FAM161A: variants seen among roughly 807,000 people sequenced by gnomAD.
The protein encoded by FAM161A is protein FAM161A.
FAM161A carries 57 observed loss-of-function variants against 70.9 expected under a neutral mutation model. The observed-to-expected ratio is 0.80, with a 90% CI of 0.65 to 1.00. FAM161A has a LOEUF of 1.00. FAM161A is among the 50% of genes least tolerant of loss of function. The pLI, the probability that FAM161A is intolerant of heterozygous loss-of-function variation, is 0.00. For missense variants in FAM161A, 880 were observed against 836.0 expected (o/e 1.05, Z -0.65); for synonymous variants, 299 against 295.7 (o/e 1.01, Z -0.12).
rs1418710867 is a variant in FAM161A, at chr2:61,826,520, A to G, written c.2086T>C (p.Tyr696His). The change falls in exon 7 of 7, where the codon TAC (tyrosine) becomes CAC (histidine). Residue 696 changes from tyrosine (Y) to histidine (H), a missense_variant. Physicochemically the swap from Tyr to His is moderately conservative, Grantham distance 83. Coordinates refer to ENST00000404929, the MANE Select transcript of FAM161A (RefSeq NM_001201543.2). ...TCATTGGCTTCATCTTTTTCCTTGT[A>G]AGAATCCTGGCTGTTGGTATCAATA... ...YFIDTNSQDS[Y>H]KEKDEANEES... 6.2e-7 allele frequency: 1 copy of G among 1,607,038 alleles called. No homozygotes were observed. The highest frequency in any genetic ancestry group is 8.5e-7 in the Non-Finnish European group (1 of 1,175,622).
chr2:61,809,806 T>C, the FAM161A span, among the ~76,000 whole-genome samples: 7 of 152,188 alleles, frequency 4.6e-5, no homozygotes, highest in Non-Finnish European at 1.0e-4. Context: ...GTGGACCTCA[T>C]GAAGCTTCGC....
the FAM161A span, among the ~76,000 whole-genome samples, chr2:61,810,050 G>A: frequency 1.3e-5 from 2 of 152,194 alleles, no homozygotes; most frequent in Non-Finnish European, 2.9e-5. Context: ...GCCCAGGCAA[G>A]ACCAGCAGAA....
the FAM161A span, among the ~76,000 whole-genome samples, chr2:61,805,976 G>A: frequency 6.6e-6 from 1 of 152,092 alleles, no homozygotes; most frequent in African/African-American, 2.4e-5. Flanking sequence ...CCAGCACTTT[G>A]GGAAGCCAAG....
intron 5 of FAM161A, 92 bp downstream of exon 5, chr2:61,835,917 CA>C (rs920417531): frequency 2.6e-5 from 22 of 839,526 alleles, no homozygotes; most frequent in Non-Finnish European, 2.0e-6. Context: ...AGTTATATAA[CA>C]CATAAGAAAA....
Position 61,826,441 on chromosome 2 carries a change from G to A in FAM161A, c.*14C>T, listed in dbSNP as rs772056519. On this transcript the variant is annotated 3_prime_UTR_variant, in exon 7 of 7. Transcript: ENST00000404929. ...CAAACAACAGCAAGGGCATAGAGAGGAGACCTTGATGATTCAGTGTGATTC... is the reference window on the plus strand; with the variant it reads ...CAAACAACAGCAAGGGCATAGAGAGAAGACCTTGATGATTCAGTGTGATTC... 16 of 1,611,354 alleles carry A rather than the reference G, an allele frequency of 9.9e-6. No individual in the cohort carries two copies. The highest frequency in any genetic ancestry group is 4.0e-5 in the African/African-American group (3 of 74,882).
rs1379213896 is a variant in FAM161A at position 61,840,381 on chromosome 2, A to G, written c.623T>C (p.Val208Ala). 5 of 1,614,060 alleles carry G rather than the reference A, an allele frequency of 3.1e-6. No homozygotes were observed. Among genetic ancestry groups the G allele is most frequent in the South Asian group, 2.2e-5 (2 of 91,074 alleles). The change falls in exon 3 of 7, where the codon GTT becomes GCT. Residue 208 changes from valine (V) to alanine (A), a missense_variant. Coordinates refer to ENST00000404929, the MANE Select transcript of FAM161A (RefSeq NM_001201543.2). ...LINNMWTDFC[V>A]EDYIRCKDTG... is the part of the protein sequence containing the mutation. ...ATCTTTACAGCGAATATAATCCTCA[A>G]CACAAAAGTCTGTCCACATATTGTT...
At chr2:61,817,176 G>C in the FAM161A span, among the ~76,000 whole-genome samples, 1 of 152,228 alleles carries the variant, frequency 6.6e-6, no homozygotes, top group Non-Finnish European at 1.5e-5. Context: ...TTCTTCGCAT[G>C]GAATTTGGCC....
the FAM161A span, chr2:61,803,033 C>T: frequency 4.7e-6 from 1 of 214,342 alleles, no homozygotes; most frequent in South Asian, 9.9e-5. Context: ...TAACTCTTCT[C>T]CTCCCTGGCT....
downstream of FAM161A, among the ~76,000 whole-genome samples, chr2:61,823,955 A>T (rs1672266318): frequency 6.6e-6 from 1 of 152,158 alleles, no homozygotes; most frequent in African/African-American, 2.4e-5. Context: ...TGATTTAACC[A>T]GTTGACTTCT....
intron 1 of FAM161A, among the ~76,000 whole-genome samples, chr2:61,852,453 T>C (rs1480676273): frequency 6.6e-6 from 1 of 152,172 alleles, no homozygotes. Flanking sequence ...CTCATAGAGC[T>C]GAGATGGGAA....
chr2:61,808,496 T>A, the FAM161A span, among the ~76,000 whole-genome samples: 3 of 152,078 alleles, frequency 2.0e-5, no homozygotes, highest in Non-Finnish European at 2.9e-5. Flanking sequence ...ATAGTCTCGA[T>A]CTCCTGGCCT....
At chr2:61,844,804 G>A (rs1171677335) in intron 1 of FAM161A, among the ~76,000 whole-genome samples, 1 of 152,210 alleles carries the variant, frequency 6.6e-6, no homozygotes, top group Non-Finnish European at 1.5e-5. Flanking sequence ...GAATGAGACA[G>A]AACACCTGAT....
downstream of FAM161A, chr2:61,820,650 T>C (rs754730445): frequency 1.8e-6 from 1 of 550,362 alleles, no homozygotes; most frequent in Non-Finnish European, 3.3e-6. Context: ...TGTGTGATGA[T>C]GGTATTAGAG....
At chr2:61,835,824 C>T (rs1011058042) in intron 5 of FAM161A, 186 bp downstream of exon 5, 2 of 592,118 alleles carry the variant, frequency 3.4e-6, no homozygotes, top group Non-Finnish European at 6.1e-6. Context: ...ACCACCACAC[C>T]TGGCTAAATG....
chr2:61,833,425 CAAA>C lies in FAM161A; in HGVS notation c.1851+2582_1851+2584del, dbSNP rs35987360. Among the ~76,000 whole-genome samples, 118 of 110,752 alleles carry C rather than the reference CAAA, an allele frequency of 1.1e-3. 3 individuals are homozygous for C. The East Asian group carries it at 0.011, about 11-fold the overall frequency. The allele number at this position is 110,752 out of a possible 152,430, so 72.7% of individuals were successfully genotyped here. ...TGGGTGACAGAGTGAGACTCTGTCT[CAAA>C]AAAAAAAAAAAAAAGGAAATGTGAT... On this transcript the variant is annotated intron_variant, in intron 5 of 6. Coordinates refer to ENST00000404929, the MANE Select transcript of FAM161A (RefSeq NM_001201543.2).
chr2:61,825,473 G>C lies in FAM161A; in HGVS notation c.*982C>G, dbSNP rs1572854381. The C allele has an allele frequency of 2.2e-6, 1 of 448,810 alleles. No homozygotes were observed. 27.8% of individuals were successfully genotyped at this position (448,810 alleles called of 1,614,324 possible). On this transcript the variant is annotated 3_prime_UTR_variant, in exon 7 of 7. Coordinates refer to ENST00000404929, the MANE Select transcript of FAM161A (RefSeq NM_001201543.2). ...TACTTCCATCTGTAATAATACATAG[G>C]GTTAAAAAAACTAGTATAAAAACTT...
intron 5 of FAM161A, among the ~76,000 whole-genome samples, chr2:61,829,392 T>C (rs1398593962): frequency 3.3e-5 from 5 of 152,114 alleles, no homozygotes; most frequent in Non-Finnish European, 7.4e-5. Flanking sequence ...TTACAATAGA[T>C]AAAACTATCA....
At chr2:61,824,816 T>C (rs1368486210), downstream of FAM161A, 4 of 362,282 alleles carry the variant, frequency 1.1e-5, no homozygotes, top group African/African-American at 8.5e-5. Context: ...GTGTACTCAT[T>C]CTGAAGTAGC....
In FAM161A at chr2:61,826,321, G is replaced by T; in HGVS notation, c.*134C>A. ...CAATCAGCTGGATTCAGGCTTTTCA[G>T]GCTACAGATGACTTTGATCAACAGC... is the stretch of plus-strand genomic sequence containing the variant. On this transcript the variant is annotated 3_prime_UTR_variant, in exon 7 of 7. Coordinates refer to ENST00000404929, the MANE Select transcript of FAM161A (RefSeq NM_001201543.2). 1 of 942,984 alleles carries T rather than the reference G, an allele frequency of 1.1e-6. No individual in the cohort carries two copies. The allele number at this position is 942,984 out of a possible 1,614,324, so 58.4% of individuals were successfully genotyped here. A position where few individuals can be genotyped will look rare whatever the true frequency, so the allele number is the denominator to read the frequency against.
Sources: allele counts gnomAD v4.1 joint callset (sites outside exome capture counted in the v4.1 genomes callset), GRCh38; gene constraint gnomAD v4.1.1; transcripts MANE v1.5; gene names NCBI Gene and HGNC (gene_info 2026-07-23, HGNC 2026-07-21).